SLC39A6: variants seen among roughly 807,000 people sequenced by gnomAD.
SLC39A6 encodes zinc transporter ZIP6.
In SLC39A6, 51 loss-of-function variants were observed where a neutral mutation model predicts 63.5. That is an observed-to-expected ratio of 0.80 (90% CI 0.64 to 1.01). SLC39A6 has a LOEUF of 1.01. Ranked by LOEUF, SLC39A6 falls within the 50% of genes least tolerant of loss-of-function variation. The probability of loss-of-function intolerance (pLI) is 0.00; values close to 1 mark genes in which losing one functional copy is unlikely to be tolerated. For synonymous variants in SLC39A6, 318 were observed against 324.7 expected (o/e 0.98, Z 0.22); for missense variants, 805 against 927.8 (o/e 0.87, Z 1.72).
chr18:36,122,650 AGT>A (rs34512999), intron 4 of SLC39A6, among the ~76,000 whole-genome samples: 47,162 of 151,926 alleles, frequency 0.31, 7,650 homozygotes, highest in Middle Eastern at 0.47. Context: ...TAAGAAGCCT[AGT>A]GTGTGTGTGT....
At chr18:36,114,006 A>G (rs968486117) in intron 7 of SLC39A6, 91 bp downstream of exon 7, 96 of 1,456,416 alleles carry the variant, frequency 6.6e-5, no homozygotes, top group Non-Finnish European at 8.3e-5. Context: ...ATCCTCATCT[A>G]AACTAATCTA....
Position 36,111,249 on chromosome 18 carries a change from C to A in SLC39A6, c.1925G>T (p.Gly642Val), listed in dbSNP as rs763112204. Reference protein sequence around the residue: ...VFCHELPHELGDFAVLLKAGM... With the variant: ...VFCHELPHELVDFAVLLKAGM... ...AGCCTTTAGTAGAACAGCAAAGTCA[C>A]CTTTAACAGAAAACAAAAAAGGAGG... Residue 642 changes from glycine (G) to valine (V), a missense_variant and splice_region_variant, in exon 9 of 10, where the codon GGT becomes GTT. Coordinates refer to ENST00000269187, the MANE Select transcript of SLC39A6 (RefSeq NM_012319.4). The A allele has an allele frequency of 2.5e-5, 41 of 1,610,476 alleles. No homozygotes were observed. Among genetic ancestry groups the A allele is most frequent in the Non-Finnish European group, 3.3e-5 (39 of 1,178,370 alleles).
chr18:36,117,603 A>G (rs1215136433), intron 5 of SLC39A6, among the ~76,000 whole-genome samples: 1 of 152,220 alleles, frequency 6.6e-6, no homozygotes, highest in Non-Finnish European at 1.5e-5. Context: ...CATTTAAAAT[A>G]AAAGTTATCA....
At position 36,122,064 on chromosome 18, in the gene SLC39A6, A is replaced by C; in HGVS notation, c.1347T>G (p.Asp449Glu). 3 of 1,607,668 alleles carry C rather than the reference A, an allele frequency of 1.9e-6. No individual in the cohort carries two copies. Among genetic ancestry groups the C allele is most frequent in the Non-Finnish European group, 2.5e-6 (3 of 1,176,554 alleles). ...TACTTTTTCTTACCTTTTTCTTCTT[A>C]TCTTTAAATTGTTTGATCAATGTGA... is the stretch of plus-strand genomic sequence containing the variant. ...HVLTLIKQFK[D>E]KKKKNQKKPE... Residue 449 changes from aspartate (D) to glutamate (E), a missense_variant, in exon 5 of 10, where the codon GAT (aspartate) becomes GAG (glutamate). Physicochemically the swap from Asp to Glu is conservative, Grantham distance 45. Around this residue, in one of 4 missense-constraint regions of SLC39A6, gnomAD observed 639 missense variants for 644.0 expected, o/e 0.99. Coordinates refer to ENST00000269187, the MANE Select transcript of SLC39A6 (RefSeq NM_012319.4).
rs544036776 is a variant in SLC39A6 at position 36,110,299 on chromosome 18, C to A, written c.2116-554G>T. ...GCATGCCAACAATATGCATCTTGTC[C>A]TAGACTTCCTACAAATCTATAGAAA... On this transcript the variant is annotated intron_variant, in intron 9 of 9. Transcript: ENST00000269187. Among the ~76,000 whole-genome samples, 3 of 152,018 alleles carry A rather than the reference C, an allele frequency of 2.0e-5. No homozygotes were observed. In the East Asian group the frequency reaches 5.8e-4, roughly 29 times the overall value.
Position 36,126,266 on chromosome 18 carries a change from G to A in SLC39A6, c.742C>T (p.Arg248Ter), listed in dbSNP as rs745648932. The A allele has an allele frequency of 1.3e-5, 21 of 1,614,176 alleles. No individual in the cohort carries two copies. Among genetic ancestry groups the A allele is most frequent in the Non-Finnish European group, 1.8e-5 (21 of 1,180,038 alleles). The change falls in exon 2 of 10, where the codon CGA becomes TGA. Residue 248 changes from arginine to a stop codon, truncating the protein, a stop_gained. Coordinates refer to ENST00000269187, the MANE Select transcript of SLC39A6 (RefSeq NM_012319.4). LOFTEE classifies it high-confidence loss of function. ...RKTNESVSEPRKGFMYSRNTN... is the reference protein window; with the variant it reads ...RKTNESVSEP ...TTTCTGGAATACATAAAGCCTTTTC[G>A]GGGCTCACTCACAGATTCATTTGTT... is the stretch of plus-strand genomic sequence containing the variant.
At position 36,109,569 on chromosome 18, in the gene SLC39A6, G is replaced by A. The variant is rs566520179; in HGVS notation, c.*24C>T. 28 of 1,578,246 alleles carry A rather than the reference G, an allele frequency of 1.8e-5. No homozygotes were observed. In the East Asian group the frequency reaches 2.0e-4, roughly 11 times the overall value. Reference sequence around the variant, plus strand: ...TACTGAAACTATGACAACTTTTTAAGCTACTCTAGCATTTAAACCTTAACT... The same window carrying A: ...TACTGAAACTATGACAACTTTTTAAACTACTCTAGCATTTAAACCTTAACT... On this transcript the variant is annotated 3_prime_UTR_variant, in exon 10 of 10. Coordinates refer to ENST00000269187, the MANE Select transcript of SLC39A6 (RefSeq NM_012319.4).
At chr18:36,120,583 G>A (rs1006053920) in intron 5 of SLC39A6, among the ~76,000 whole-genome samples, 1 of 152,184 alleles carries the variant, frequency 6.6e-6, no homozygotes, top group Non-Finnish European at 1.5e-5. Flanking sequence ...ACCTCTTCAC[G>A]CCAGTTATAC....
intron 7 of SLC39A6, among the ~76,000 whole-genome samples, chr18:36,113,314 G>C (rs917642517): frequency 2.0e-5 from 3 of 151,578 alleles, no homozygotes; most frequent in African/African-American, 7.3e-5. Context: ...GTCTAGGCTG[G>C]TCTTGAACTC....
At chr18:36,121,707 G>C (rs754683173) in intron 5 of SLC39A6, among the ~76,000 whole-genome samples, 1 of 152,096 alleles carries the variant, frequency 6.6e-6, no homozygotes, top group Non-Finnish European at 1.5e-5. Flanking sequence ...TTAGTTAATC[G>C]TAACTACTAA....
intron 5 of SLC39A6, 119 bp from the exon 6 acceptor site, chr18:36,116,898 T>G: frequency 1.5e-6 from 1 of 663,282 alleles, no homozygotes; most frequent in Non-Finnish European, 2.6e-6. Context: ...TACTCTTAAG[T>G]ATGTTCCCAC....
intron 1 of SLC39A6, 68 bp from the exon 2 acceptor site, chr18:36,127,084 C>A: frequency 7.4e-7 from 1 of 1,351,284 alleles, no homozygotes; most frequent in Non-Finnish European, 1.0e-6. Flanking sequence ...AAACCTCATA[C>A]TGAAAATTAA....
intron 3 of SLC39A6, 100 bp downstream of exon 3, chr18:36,124,419 AG>A: frequency 1.5e-6 from 1 of 688,234 alleles, no homozygotes; most frequent in East Asian, 2.7e-5. Flanking sequence ...TGACATATTC[AG>A]AATTGTACTG....
intron 8 of SLC39A6, 28 bp from the exon 9 acceptor site, chr18:36,111,277 A>G (rs1481241392): frequency 6.2e-7 from 1 of 1,602,578 alleles, no homozygotes; most frequent in Non-Finnish European, 8.5e-7. Flanking sequence ...AAAGGAGGAA[A>G]AAGTCATTGA....
intron 9 of SLC39A6, 83 bp from the exon 10 acceptor site, chr18:36,109,828 A>G: frequency 9.4e-7 from 1 of 1,067,034 alleles, no homozygotes; most frequent in Non-Finnish European, 1.4e-6. Flanking sequence ...TTTATAGGAC[A>G]GTATACTAGC....
intron 7 of SLC39A6, among the ~76,000 whole-genome samples, chr18:36,113,760 T>G (rs887471635): frequency 2.0e-5 from 3 of 152,120 alleles, no homozygotes; most frequent in African/African-American, 7.2e-5. Flanking sequence ...AATATTATAT[T>G]ATCGATAAGG....
In SLC39A6 at chr18:36,126,120, A is replaced by G. The variant is rs1375735219; in HGVS notation, c.789+99T>C. 1.7e-5 allele frequency: 21 copies of G among 1,206,314 alleles called. No homozygotes were observed. In the East Asian group the frequency reaches 4.9e-4, roughly 28 times the overall value. 74.7% of individuals were successfully genotyped at this position (1,206,314 alleles called of 1,614,324 possible). A position where few individuals can be genotyped will look rare whatever the true frequency, so the allele number is the denominator to read the frequency against. ...AAATTCCCTTTTCAATAACTTCAAC[A>G]TTTTACTTTTACTTTAAACTCCTCA... On this transcript the variant is annotated intron_variant, in intron 2 of 9. Coordinates refer to ENST00000269187, the MANE Select transcript of SLC39A6 (RefSeq NM_012319.4).
In SLC39A6 at chr18:36,126,377, C is replaced by T. The variant is rs1555632387; in HGVS notation, c.631G>A (p.Gly211Arg). Residue 211 changes from glycine to arginine, a missense_variant, in exon 2 of 10, where the codon GGA becomes AGA. Around this residue, in one of 4 missense-constraint regions of SLC39A6, gnomAD observed 639 missense variants for 644.0 expected, o/e 0.99. Coordinates refer to ENST00000269187, the MANE Select transcript of SLC39A6 (RefSeq NM_012319.4). ...FLETIETPRP[G>R]KLFPKDVSSS... is the part of the protein sequence containing the mutation. ...CTTACATCTTTGGGGAAGAGTTTTC[C>T]AGGTCTTGGAGTCTCTATTGTCTCT... 2 of 1,614,220 alleles carry T rather than the reference C, an allele frequency of 1.2e-6. No individual in the cohort carries two copies. Among genetic ancestry groups the T allele is most frequent in the South Asian group, 1.1e-5 (1 of 91,090 alleles).
chr18:36,116,839 C>T, intron 5 of SLC39A6, 60 bp from the exon 6 acceptor site: 1 of 1,204,308 alleles, frequency 8.3e-7, no homozygotes, highest in Non-Finnish European at 1.2e-6. Flanking sequence ...GTACAGCTTT[C>T]AATCAATAAC....
Sources: allele counts gnomAD v4.1 joint callset (sites outside exome capture counted in the v4.1 genomes callset), GRCh38; gene constraint gnomAD v4.1.1; regional missense constraint gnomAD v4.1.1; transcripts MANE v1.5; gene names NCBI Gene and HGNC (gene_info 2026-07-23, HGNC 2026-07-21).